SAMMSON: variants seen among roughly 807,000 people sequenced by gnomAD.
SAMMSON encodes the protein survival associated mitochondrial melanoma specific oncogenic non-coding RNA, also known as long intergenic non-protein coding RNA 1212.
intron 7 of SAMMSON, among the ~76,000 whole-genome samples, chr3:70,298,896 T>C (rs1038080739): frequency 2.0e-5 from 3 of 152,180 alleles, no homozygotes; most frequent in Non-Finnish European, 4.4e-5. Flanking sequence ...TAAACTTTTC[T>C]GACCTTTATT....
At chr3:70,038,816 CTG>C (rs2067095858) in intron 3 of SAMMSON, among the ~76,000 whole-genome samples, 1 of 152,106 alleles carries the variant, frequency 6.6e-6, no homozygotes, top group Non-Finnish European at 1.5e-5. Flanking sequence ...AGAGTTGAAA[CTG>C]GAGTCAGAAT....
At chr3:70,267,999 C>T (rs988713283) in intron 6 of SAMMSON, among the ~76,000 whole-genome samples, 2 of 151,330 alleles carry the variant, frequency 1.3e-5, no homozygotes, top group East Asian at 3.9e-4. Context: ...TTTCACCTCC[C>T]CTTTCTCCTC....
chr3:70,377,835 G>A (rs1222516285), intron 9 of SAMMSON, among the ~76,000 whole-genome samples: 1 of 151,912 alleles, frequency 6.6e-6, no homozygotes, highest in Non-Finnish European at 1.5e-5. Context: ...ATAGGCAATT[G>A]ACAGGAGAGG....
chr3:70,154,554 C>G (rs1171752401), intron 4 of SAMMSON, among the ~76,000 whole-genome samples: 1 of 152,054 alleles, frequency 6.6e-6, no homozygotes, highest in Admixed American at 6.6e-5. Flanking sequence ...AAATCTCCTC[C>G]AGTGATTCCA....
At chr3:70,334,946 T>G (rs1230867995) in intron 7 of SAMMSON, among the ~76,000 whole-genome samples, 2 of 152,176 alleles carry the variant, frequency 1.3e-5, no homozygotes, top group East Asian at 1.9e-4. Flanking sequence ...TTTTTATTTC[T>G]GGATACCTGA....
At chr3:70,105,739 C>G (rs2067364612) in intron 4 of SAMMSON, among the ~76,000 whole-genome samples, 2 of 152,094 alleles carry the variant, frequency 1.3e-5, no homozygotes, top group Non-Finnish European at 2.9e-5. Flanking sequence ...GCTCAAAAGC[C>G]ATAATTAAGG....
chr3:70,120,285 G>C (rs151166728), intron 4 of SAMMSON: 22 of 152,330 alleles, frequency 1.4e-4, no homozygotes, highest in African/African-American at 5.1e-4. Context: ...GTTCAGAATG[G>C]AACCCAGGGA....
chr3:70,380,212 A>G (rs1410424357), intron 9 of SAMMSON, among the ~76,000 whole-genome samples: 13 of 152,136 alleles, frequency 8.5e-5, no homozygotes, highest in Admixed American at 8.5e-4. Context: ...ACCACAAAAT[A>G]TTTTAAGTTT....
chr3:70,379,286 C>CT (rs1294905154), intron 9 of SAMMSON, among the ~76,000 whole-genome samples: 8 of 152,078 alleles, frequency 5.3e-5, no homozygotes, highest in African/African-American at 1.9e-4. Flanking sequence ...TGTACTTACA[C>CT]TTTTAAAAAA....
chr3:70,087,692 G>A (rs1317939775), intron 4 of SAMMSON, among the ~76,000 whole-genome samples: 1 of 152,124 alleles, frequency 6.6e-6, no homozygotes, highest in Non-Finnish European at 1.5e-5. Flanking sequence ...CATTATCCTT[G>A]TTATTTATCA....
chr3:70,294,241 G>C (rs1349098792), intron 7 of SAMMSON, among the ~76,000 whole-genome samples: 1 of 152,074 alleles, frequency 6.6e-6, no homozygotes, highest in Non-Finnish European at 1.5e-5. Context: ...ACATTAAATT[G>C]ATTTTTTGAA....
chr3:70,027,957 A>G (rs563394486), intron 3 of SAMMSON, among the ~76,000 whole-genome samples: 2 of 152,304 alleles, frequency 1.3e-5, no homozygotes, highest in South Asian at 4.1e-4. Context: ...AGTATTTAAA[A>G]GGCCTTTGCA....
intron 4 of SAMMSON, among the ~76,000 whole-genome samples, chr3:70,140,897 C>T (rs1266211266): frequency 2.6e-5 from 4 of 152,158 alleles, no homozygotes; most frequent in South Asian, 2.1e-4. Flanking sequence ...ACGTTCTGTT[C>T]GTGACCACTT....
At chr3:70,306,602 TC>T (rs1389817544) in intron 7 of SAMMSON, among the ~76,000 whole-genome samples, 2 of 152,110 alleles carry the variant, frequency 1.3e-5, no homozygotes, top group African/African-American at 4.8e-5. Flanking sequence ...TCATTTTTTT[TC>T]TCTCTCATGA....
chr3:70,235,948 A>G (rs1701605015), intron 4 of SAMMSON, among the ~76,000 whole-genome samples: 2 of 152,110 alleles, frequency 1.3e-5, no homozygotes. Flanking sequence ...CATTTTTCCC[A>G]CCATCATGAT....
chr3:70,379,814 A>G (rs1199130670), intron 9 of SAMMSON, among the ~76,000 whole-genome samples: 1 of 152,214 alleles, frequency 6.6e-6, no homozygotes, highest in African/African-American at 2.4e-5. Flanking sequence ...CGTGTTATGC[A>G]TGCTACCTTT....
intron 3 of SAMMSON, chr3:70,068,283 C>T (rs2067217737): frequency 6.6e-6 from 1 of 151,940 alleles, no homozygotes; most frequent in Non-Finnish European, 1.5e-5. Context: ...ATTTCTGAGA[C>T]CACAAGATAT....
chr3:70,311,887 T>A, intron 7 of SAMMSON: 4 of 397,802 alleles, frequency 1.0e-5, no homozygotes, highest in Non-Finnish European at 1.3e-5. Flanking sequence ...AAGACTTACC[T>A]TCTTTCAACC....
chr3:70,074,529 A>G (rs995382221), intron 4 of SAMMSON, among the ~76,000 whole-genome samples: 3 of 152,132 alleles, frequency 2.0e-5, no homozygotes, highest in Non-Finnish European at 4.4e-5. Context: ...ATAGTGCTAA[A>G]GCACAAATTT....
Sources: gnomAD v4.1 joint callset for allele counts (sites outside exome capture counted in the v4.1 genomes callset) on GRCh38, gnomAD v4.1.1 for gene constraint, MANE v1.5 for transcripts, NCBI Gene and HGNC (gene_info 2026-07-23, HGNC 2026-07-21) for gene names.